The following WNK1 variants were observed in gnomAD, a reference collection of about 807,000 sequenced individuals.
WNK1 encodes WNK lysine deficient protein kinase 1, also known as serine/threonine-protein kinase WNK1.
A neutral mutation model predicts 222.8 loss-of-function variants in WNK1; 38 were observed. That is an observed-to-expected ratio of 0.17 (90% CI 0.13 to 0.22). The LOEUF is 0.22. Among genes scored for constraint, WNK1 ranks in the 10% least tolerant of loss-of-function variants. The pLI, the probability that WNK1 is intolerant of heterozygous loss-of-function variation, is 1.00. For missense variants in WNK1, 2,348 were observed against 2,918.4 expected, an observed-to-expected ratio of 0.80 and a Z score of 4.50; for synonymous variants, 1,090 against 1,092.9, an observed-to-expected ratio of 1.00 and a Z score of 0.05.
intron 1 of WNK1, among the ~76,000 whole-genome samples, chr12:776,412 T>G (rs12367284): frequency 1.5e-4 from 22 of 146,226 alleles, no homozygotes; most frequent in Non-Finnish European, 2.8e-4. Flanking sequence ...GTTTGTGTGT[T>G]TGTGTGTGTG....
chr12:907,335 A>T (rs2154103457), intron 26 of WNK1, among the ~76,000 whole-genome samples: 1 of 151,150 alleles, frequency 6.6e-6, no homozygotes, highest in Middle Eastern at 3.4e-3. Flanking sequence ...AAAAAAAAAA[A>T]GGCTAAAGAA....
intron 1 of WNK1, among the ~76,000 whole-genome samples, chr12:774,034 A>G (rs953622396): frequency 2.0e-5 from 3 of 152,164 alleles, no homozygotes; most frequent in South Asian, 4.1e-4. Flanking sequence ...TCCCTGCACA[A>G]ATCCCCCTCC....
intron 1 of WNK1, among the ~76,000 whole-genome samples, chr12:796,733 C>T (rs1945346047): frequency 6.6e-6 from 1 of 152,170 alleles, no homozygotes; most frequent in South Asian, 2.1e-4. Context: ...GACTTCTCTT[C>T]CTCCTTTATA....
chr12:866,506 G>A (rs188385462), intron 8 of WNK1, among the ~76,000 whole-genome samples: 23 of 152,210 alleles, frequency 1.5e-4, no homozygotes, highest in Admixed American at 1.5e-3. Flanking sequence ...AGGACTACAG[G>A]CGCATGCCAC....
At chr12:863,914 A>G (rs1951410942) in intron 8 of WNK1, among the ~76,000 whole-genome samples, 1 of 152,192 alleles carries the variant, frequency 6.6e-6, no homozygotes, top group South Asian at 2.1e-4. Context: ...ATATGATGAT[A>G]TGTAAATACT....
At chr12:890,859 T>G (rs971629663) in intron 22 of WNK1, among the ~76,000 whole-genome samples, 1 of 152,226 alleles carries the variant, frequency 6.6e-6, no homozygotes, top group African/African-American at 2.4e-5. Flanking sequence ...GAAGCTTGAA[T>G]AGTCTGGACA....
intron 9 of WNK1, among the ~76,000 whole-genome samples, chr12:873,388 G>T (rs1022706275): frequency 6.6e-6 from 1 of 152,028 alleles, no homozygotes; most frequent in African/African-American, 2.4e-5. Context: ...AAAAAATATG[G>T]CTAAATGCTA....
At chr12:859,493 G>T in intron 6 of WNK1, 29 bp downstream of exon 6, 1 of 1,548,732 alleles carries the variant, frequency 6.5e-7, no homozygotes, top group South Asian at 1.1e-5. Flanking sequence ...TTTTAAAATT[G>T]ATTTAGACTT....
chr12:788,940 T>C (rs1446945594), intron 1 of WNK1, among the ~76,000 whole-genome samples: 1 of 152,098 alleles, frequency 6.6e-6, no homozygotes, highest in East Asian at 1.9e-4. Flanking sequence ...CCAGTAATAT[T>C]AATAGTTTAG....
At chr12:887,176 A>T (rs769732760) in intron 19 of WNK1, 45 bp from the exon 20 acceptor site, 2 of 1,558,614 alleles carry the variant, frequency 1.3e-6, no homozygotes, top group South Asian at 1.1e-5. Flanking sequence ...CGCAGTCTTT[A>T]TATTTAGCGT....
At chr12:857,023 T>A in intron 4 of WNK1, 138 bp from the exon 5 acceptor site, 1 of 821,528 alleles carries the variant, frequency 1.2e-6, no homozygotes, top group Non-Finnish European at 2.1e-6. Context: ...TGACACTGCA[T>A]GGACCAACTC....
chr12:844,670 C>G (rs1055630751), intron 4 of WNK1, among the ~76,000 whole-genome samples: 7 of 152,074 alleles, frequency 4.6e-5, no homozygotes, highest in Admixed American at 4.6e-4. Context: ...CTAGGAAATA[C>G]TGTCTAGATT....
At chr12:897,759 C>T (rs776822882) in intron 25 of WNK1, 78 bp downstream of exon 25, 23 of 1,452,266 alleles carry the variant, frequency 1.6e-5, no homozygotes, top group Non-Finnish European at 2.0e-5. Flanking sequence ...ACCTGCTGAA[C>T]ATTTGTTGTT....
intron 4 of WNK1, 68 bp from the exon 5 acceptor site, chr12:857,093 T>C (rs1010834189): frequency 2.0e-6 from 3 of 1,518,434 alleles, no homozygotes; most frequent in Admixed American, 3.4e-5. Context: ...AGAACCTTAA[T>C]TGGAAATTTA....
chr12:814,689 T>G (rs1371537943), intron 2 of WNK1, among the ~76,000 whole-genome samples: 2 of 152,132 alleles, frequency 1.3e-5, no homozygotes, highest in Non-Finnish European at 2.9e-5. Context: ...TCCCCAACCT[T>G]TTTGGCATCA....
chr12:868,106 T>C (rs1951834266), intron 8 of WNK1: 2 of 1,613,866 alleles, frequency 1.2e-6, no homozygotes, highest in Admixed American at 1.7e-5. Flanking sequence ...CCCAACTAAC[T>C]GGACACCAGA....
In WNK1 at chr12:859,541, G is replaced by A. The variant is rs538964157; in HGVS notation, c.1620+77G>A. ...ACTATCATTAAGCAAAAAAGCAGTTGATGAAGTGCCGTGTGTGGCATATCC... is the reference window on the plus strand; with the variant it reads ...ACTATCATTAAGCAAAAAAGCAGTTAATGAAGTGCCGTGTGTGGCATATCC... On this transcript the variant is annotated intron_variant, in intron 6 of 27. Transcript: ENST00000315939. The A allele has an allele frequency of 1.0e-5, 12 of 1,149,600 alleles. No individual in the cohort carries two copies. In the South Asian group the frequency reaches 1.6e-4, roughly 16 times the overall value. The allele number at this position is 1,149,600 out of a possible 1,614,324, so 71.2% of individuals were successfully genotyped here. A position where few individuals can be genotyped will look rare whatever the true frequency, so the allele number is the denominator to read the frequency against.
chr12:772,572 A>G (rs1267315715), intron 1 of WNK1, among the ~76,000 whole-genome samples: 1 of 152,136 alleles, frequency 6.6e-6, no homozygotes. Context: ...GATTTACCTT[A>G]TAGAAAAACC....
Position 908,861 on chromosome 12 carries a change from G to GGGGGGGGGGGGGGGGGGC in WNK1, c.*69_*70insGGGGGGGGGGGGGGGGGC. 4.1e-6 allele frequency: 2 copies of GGGGGGGGGGGGGGGGGGC among 491,846 alleles called. No individual in the cohort carries two copies. Among genetic ancestry groups the GGGGGGGGGGGGGGGGGGC allele is most frequent in the East Asian group, 6.0e-5 (1 of 16,748 alleles). 30.5% of individuals were successfully genotyped at this position (491,846 alleles called of 1,614,324 possible). A position where few individuals can be genotyped will look rare whatever the true frequency, so the allele number is the denominator to read the frequency against. On this transcript the variant is annotated 3_prime_UTR_variant, in exon 28 of 28. Coordinates refer to ENST00000315939, the MANE Select transcript of WNK1 (RefSeq NM_018979.4). ...ATGCTGAGGGGGTGGGTGGGGGTGG[G>GGGGGGGGGGGGGGGGGGC]AAGTAGCCTATATACTAACTACTAG...
Sources: gnomAD v4.1 joint callset for allele counts (sites outside exome capture counted in the v4.1 genomes callset) on GRCh38, gnomAD v4.1.1 for gene constraint, MANE v1.5 for transcripts, NCBI Gene and HGNC (gene_info 2026-07-23, HGNC 2026-07-21) for gene names.